ADAMTS9: variants seen among roughly 807,000 people sequenced by gnomAD.
ADAMTS9 encodes the protein A disintegrin and metalloproteinase with thrombospondin motifs 9.
Under a neutral mutation model 257.1 loss-of-function variants are expected in ADAMTS9, and 107 were observed. The ratio of observed to expected loss-of-function variants is 0.42; its 90% CI spans 0.36 to 0.49. The LOEUF is 0.49. ADAMTS9 is among the 20% of genes least tolerant of loss of function. The pLI, the probability that ADAMTS9 is intolerant of heterozygous loss-of-function variation, is 0.03. For synonymous variants in ADAMTS9, 982 were observed against 880.9 expected (o/e 1.11, Z -2.03); for missense variants, 2,353 against 2,469.1 (o/e 0.95, Z 1.00).
chr3:64,605,702 A>G (rs1314952812), intron 23 of ADAMTS9, among the ~76,000 whole-genome samples: 1 of 152,204 alleles, frequency 6.6e-6, no homozygotes, highest in African/African-American at 2.4e-5. Context: ...ATAGAATAGT[A>G]TGCTGGTGAG....
At chr3:64,552,558 GTCTTT>G (rs1032290602) in intron 30 of ADAMTS9, among the ~76,000 whole-genome samples, 11 of 150,236 alleles carry the variant, frequency 7.3e-5, no homozygotes, top group Non-Finnish European at 1.2e-4. Context: ...TCAGAATGTT[GTCTTT>G]TCTTTTCTTT....
chr3:64,622,515 G>T lies in ADAMTS9; in HGVS notation c.2461C>A (p.Arg821Ser). 1 of 1,614,024 alleles carries T rather than the reference G, an allele frequency of 6.2e-7. No individual in the cohort carries two copies. Residue 821 changes from arginine (R) to serine (S), a missense_variant, in exon 17 of 40, where the codon CGC becomes AGC. Coordinates refer to ENST00000498707, the MANE Select transcript of ADAMTS9 (RefSeq NM_182920.2). ...TACTCTACCACAGCATTCCCAATGC[G>T]AATTTCCCTTTTGGCCATTGTGACA... The part of the protein sequence containing the change: ...FVVTMAKREI[R>S]IGNAVVEYSG...
chr3:64,641,699 T>C, intron 12 of ADAMTS9, 149 bp downstream of exon 12: 1 of 919,752 alleles, frequency 1.1e-6, no homozygotes, highest in Non-Finnish European at 1.6e-6. Context: ...GAATAGACTT[T>C]GGGTACCGTG....
At chr3:64,657,857 A>T (rs4688495) in intron 4 of ADAMTS9, among the ~76,000 whole-genome samples, 96,443 of 151,954 alleles carry the variant, frequency 0.63, 31,005 homozygotes, top group African/African-American at 0.73. Flanking sequence ...TTAACAATAG[A>T]CTTTGGTTCT....
intron 11 of ADAMTS9, 127 bp downstream of exon 11, chr3:64,647,812 TA>T: frequency 2.8e-6 from 2 of 721,102 alleles, no homozygotes; most frequent in Non-Finnish European, 4.2e-6. Flanking sequence ...ATCTGTCCTC[TA>T]AAAAATATTA....
At chr3:64,581,632 C>T (rs1354466594) in intron 28 of ADAMTS9, among the ~76,000 whole-genome samples, 3 of 152,130 alleles carry the variant, frequency 2.0e-5, no homozygotes, top group Non-Finnish European at 4.4e-5. Flanking sequence ...GGTAAGATTA[C>T]AGTTAGGCAA....
At chr3:64,602,349 T>C in intron 25 of ADAMTS9, 136 bp from the exon 26 acceptor site, 2 of 931,984 alleles carry the variant, frequency 2.1e-6, no homozygotes, top group Non-Finnish European at 1.6e-6. Flanking sequence ...CACCCTTGTC[T>C]CCTCTTTTTT....
At chr3:64,574,197 C>A (rs2106709259) in intron 28 of ADAMTS9, among the ~76,000 whole-genome samples, 1 of 152,318 alleles carries the variant, frequency 6.6e-6, no homozygotes, top group African/African-American at 2.4e-5. Flanking sequence ...AGAGCACTCT[C>A]TTTCAGTTTG....
intron 12 of ADAMTS9, among the ~76,000 whole-genome samples, chr3:64,641,616 C>A (rs1700644414): frequency 6.6e-6 from 1 of 151,526 alleles, no homozygotes; most frequent in South Asian, 2.1e-4. Context: ...AAAACCATCA[C>A]CTGTTTGGTA....
At chr3:64,600,119 T>C (rs1218730571) in intron 26 of ADAMTS9, among the ~76,000 whole-genome samples, 2 of 137,582 alleles carry the variant, frequency 1.5e-5, no homozygotes, top group African/African-American at 5.4e-5. Flanking sequence ...TATACAGAAA[T>C]CTATTATAAA....
At chr3:64,606,728 A>G (rs1283628979) in intron 23 of ADAMTS9, among the ~76,000 whole-genome samples, 4 of 152,150 alleles carry the variant, frequency 2.6e-5, no homozygotes. Context: ...TTCATCATCC[A>G]ATAGGAATCA....
At chr3:64,668,240 C>A (rs773737573) in intron 3 of ADAMTS9, among the ~76,000 whole-genome samples, 5 of 152,112 alleles carry the variant, frequency 3.3e-5, no homozygotes, top group African/African-American at 4.8e-5. Flanking sequence ...CTAGTAGCCA[C>A]GTTTTTTTAA....
chr3:64,534,688 G>T (rs751703491), intron 37 of ADAMTS9, among the ~76,000 whole-genome samples: 16 of 152,144 alleles, frequency 1.1e-4, no homozygotes, highest in Non-Finnish European at 1.8e-4. Context: ...ACTTAGTTTG[G>T]ACTAAATCAG....
At chr3:64,529,962 C>T (rs2082955867) in intron 38 of ADAMTS9, among the ~76,000 whole-genome samples, 1 of 151,306 alleles carries the variant, frequency 6.6e-6, no homozygotes, top group African/African-American at 2.4e-5. Flanking sequence ...CAGGTGCACA[C>T]CACCACAGTC....
intron 8 of ADAMTS9, among the ~76,000 whole-genome samples, chr3:64,653,796 G>A (rs370991778): frequency 6.6e-6 from 1 of 152,110 alleles, no homozygotes. Context: ...ATTTCATAAC[G>A]GCCACTTAGT....
In ADAMTS9 at chr3:64,622,542, C is replaced by G. The variant is rs777155151; in HGVS notation, c.2434G>C (p.Val812Leu). 6.2e-7 allele frequency: 1 copy of G among 1,613,970 alleles called. No homozygotes were observed. Among genetic ancestry groups the G allele is most frequent in the South Asian group, 1.1e-5 (1 of 91,086 alleles). Reference protein sequence around the residue: ...KGEFLLNGNFVVTMAKREIRI... With the variant: ...KGEFLLNGNFLVTMAKREIRI... ...ATTTCCCTTTTGGCCATTGTGACAA[C>G]AAAGTTTCCATTTAGCAAGAATTCA... The change falls in exon 17 of 40, where the codon GTT becomes CTT. Residue 812 changes from valine to leucine, a missense_variant. Val to Leu is a conservative substitution (Grantham distance 32). Transcript: ENST00000498707.
chr3:64,570,106 T>C (rs549937069), intron 28 of ADAMTS9, among the ~76,000 whole-genome samples: 4 of 152,126 alleles, frequency 2.6e-5, no homozygotes, highest in Non-Finnish European at 5.9e-5. Context: ...AAGAAAATAA[T>C]ATAAGGGTTC....
chr3:64,522,286 C>G, intron 38 of ADAMTS9, 26 bp from the exon 39 acceptor site: 1 of 1,608,512 alleles, frequency 6.2e-7, no homozygotes. Flanking sequence ...TCATGTTAGC[C>G]TGCCTGCTTG....
intron 38 of ADAMTS9, among the ~76,000 whole-genome samples, chr3:64,532,083 G>GT (rs2082989342): frequency 6.6e-6 from 1 of 152,194 alleles, no homozygotes; most frequent in Non-Finnish European, 1.5e-5. Context: ...ACCTGGGCAG[G>GT]TGCATTTAAA....
Sources: gnomAD v4.1 joint callset for allele counts (sites outside exome capture counted in the v4.1 genomes callset) on GRCh38, gnomAD v4.1.1 for gene constraint, MANE v1.5 for transcripts, NCBI Gene and HGNC (gene_info 2026-07-23, HGNC 2026-07-21) for gene names.